PCNX1: variants seen among roughly 807,000 people sequenced by gnomAD.
The protein encoded by PCNX1 is pecanex-like protein 1.
In PCNX1, 78 loss-of-function variants were observed where a neutral mutation model predicts 242.2. The observed-to-expected ratio is 0.32, with a 90% CI of 0.27 to 0.39. The LOEUF (loss-of-function observed/expected upper bound fraction) is 0.39, where lower values mean the gene tolerates loss of function less well. Ranked by LOEUF, PCNX1 falls within the 10% of genes least tolerant of loss-of-function variation. The pLI is 1.00. For missense variants in PCNX1, 2,581 were observed against 2,856.5 expected (o/e 0.90, Z 2.20); for synonymous variants, 1,024 against 1,032.9 (o/e 0.99, Z 0.17).
At chr14:71,057,822 A>G (rs935833345) in intron 26 of PCNX1, 98 bp downstream of exon 26, 4 of 830,450 alleles carry the variant, frequency 4.8e-6, no homozygotes, top group South Asian at 3.3e-5. Context: ...ATAGAATTAG[A>G]TATTTGGGAT....
At chr14:71,100,144 C>T (rs1197121888) in intron 30 of PCNX1, among the ~76,000 whole-genome samples, 2 of 152,112 alleles carry the variant, frequency 1.3e-5, no homozygotes, top group Non-Finnish European at 2.9e-5. Flanking sequence ...TATCATGTAT[C>T]ATGAATGGTT....
intron 7 of PCNX1, among the ~76,000 whole-genome samples, chr14:70,993,426 C>G (rs950975119): frequency 6.6e-6 from 1 of 152,162 alleles, no homozygotes; most frequent in African/African-American, 2.4e-5. Flanking sequence ...CCGTGCCTGG[C>G]CAAATTGTCT....
chr14:71,015,829 CAG>C lies in PCNX1; in HGVS notation c.2996+2629_2996+2630del, dbSNP rs748063917. Among the ~76,000 whole-genome samples the C allele has an allele frequency of 1.9e-3, 293 of 152,094 alleles. 5 individuals carry two copies. Among genetic ancestry groups the C allele is most frequent in the Non-Finnish European group, 1.4e-3 (97 of 67,956 alleles). ...ACAAGATGATAGAGTCAGAAAAAGT[CAG>C]AAATTGGCAGATTAGATAAAAAAGA... On this transcript the variant is annotated intron_variant, in intron 11 of 35. Coordinates refer to ENST00000304743, the MANE Select transcript of PCNX1 (RefSeq NM_014982.3).
chr14:71,089,461 A>T, intron 30 of PCNX1, 119 bp downstream of exon 30: 1 of 746,594 alleles, frequency 1.3e-6, no homozygotes, highest in Non-Finnish European at 2.1e-6. Flanking sequence ...GGTAATTTAT[A>T]AAGGAAAGAG....
chr14:70,933,826 T>C (rs1180622172), intron 1 of PCNX1, among the ~76,000 whole-genome samples: 2 of 152,182 alleles, frequency 1.3e-5, no homozygotes, highest in Non-Finnish European at 2.9e-5. Flanking sequence ...TAGAAGTTAG[T>C]TGACATTAAG....
chr14:71,054,217 G>GT (rs2061119977), intron 24 of PCNX1, among the ~76,000 whole-genome samples: 1 of 152,216 alleles, frequency 6.6e-6, no homozygotes, highest in Non-Finnish European at 1.5e-5. Flanking sequence ...CTGTGAACTT[G>GT]TGGGACTATA....
Position 71,109,965 on chromosome 14 carries a change from T to TTCCC in PCNX1, c.*33_*36dup, listed in dbSNP as rs749866640. The TTCCC allele has an allele frequency of 6.2e-7, 1 of 1,604,950 alleles. No individual in the cohort carries two copies. Among genetic ancestry groups the TTCCC allele is most frequent in the Non-Finnish European group, 8.5e-7 (1 of 1,171,858 alleles). Reference sequence around the variant, plus strand: ...GTGTTTATTATAAAGACATTTCTTTTTCCCTCTCAATTCCAAGGCATTGGA... The same window carrying TTCCC: ...GTGTTTATTATAAAGACATTTCTTTTTCCCTCCCTCTCAATTCCAAGGCATTGGA... On this transcript the variant is annotated 3_prime_UTR_variant, in exon 36 of 36. Transcript: ENST00000304743.
At chr14:71,068,304 T>G (rs916407224) in intron 26 of PCNX1, among the ~76,000 whole-genome samples, 5 of 151,640 alleles carry the variant, frequency 3.3e-5, no homozygotes, top group African/African-American at 1.2e-4. Context: ...GCACTCCAGC[T>G]TGGGTGACAG....
At chr14:70,918,250 G>T (rs753249388) in intron 1 of PCNX1, among the ~76,000 whole-genome samples, 5 of 152,188 alleles carry the variant, frequency 3.3e-5, no homozygotes, top group Non-Finnish European at 5.9e-5. Context: ...TTTGGTGCAT[G>T]AGGATTAGCT....
chr14:71,060,387 A>G (rs1193551148), intron 26 of PCNX1, among the ~76,000 whole-genome samples: 1 of 152,214 alleles, frequency 6.6e-6, no homozygotes, highest in South Asian at 2.1e-4. Context: ...CTTAGAAAAA[A>G]AAGTTTACTT....
intron 12 of PCNX1, among the ~76,000 whole-genome samples, chr14:71,019,750 T>A (rs931775606): frequency 9.2e-5 from 14 of 152,124 alleles, no homozygotes; most frequent in Non-Finnish European, 1.8e-4. Context: ...TTTTTTTTTT[T>A]AATAGTAGTA....
intron 2 of PCNX1, among the ~76,000 whole-genome samples, chr14:70,958,112 G>A (rs2058061801): frequency 6.6e-6 from 1 of 152,154 alleles, no homozygotes; most frequent in Non-Finnish European, 1.5e-5. Flanking sequence ...GTTAACACCA[G>A]ACAGCTTATA....
intron 26 of PCNX1, among the ~76,000 whole-genome samples, chr14:71,069,066 G>A (rs566575494): frequency 1.7e-4 from 26 of 152,196 alleles, no homozygotes; most frequent in African/African-American, 3.4e-4. Context: ...AAGGTGAAAG[G>A]CATATCTTAC....
intron 2 of PCNX1, among the ~76,000 whole-genome samples, chr14:70,958,657 AC>A (rs1224980927): frequency 1.3e-5 from 2 of 152,162 alleles, no homozygotes; most frequent in African/African-American, 4.8e-5. Flanking sequence ...TTAAGTCTCA[AC>A]ATTAAGAGTA....
rs118061480 is a variant in PCNX1 at position 71,100,798 on chromosome 14, T to G, written c.5590-1192T>G. Among the ~76,000 whole-genome samples the G allele has an allele frequency of 9.0e-3, 1,365 of 152,270 alleles. 10 individuals are homozygous for G. Among genetic ancestry groups the G allele is most frequent in the Non-Finnish European group, 0.012 (843 of 68,004 alleles). ...GACTCTCTTCATTTCTTTTATTCTT[T>G]TTTCTTTATTTTGTCTGACTGAGTT... On this transcript the variant is annotated intron_variant, in intron 30 of 35. Coordinates refer to ENST00000304743, the MANE Select transcript of PCNX1 (RefSeq NM_014982.3).
rs565221059 is a variant in PCNX1 at position 71,072,281 on chromosome 14, A to G, written c.4853-1264A>G. 1.7e-4 allele frequency among the ~76,000 whole-genome samples: 26 copies of G among 152,368 alleles called. 1 individual carries two copies. In the South Asian group the frequency reaches 2.3e-3, roughly 13 times the overall value. On this transcript the variant is annotated intron_variant, in intron 26 of 35. Coordinates refer to ENST00000304743, the MANE Select transcript of PCNX1 (RefSeq NM_014982.3). ...GTACAATAAAACAAGGTATGCCTGT[A>G]TATTTTTAGGCAGTATCATATAAAA...
At chr14:70,954,734 CCTTATA>C (rs904533372) in intron 2 of PCNX1, among the ~76,000 whole-genome samples, 1 of 151,994 alleles carries the variant, frequency 6.6e-6, no homozygotes, top group African/African-American at 2.4e-5. Flanking sequence ...ACTTTCTAGT[CCTTATA>C]CTTCTTGTTT....
At chr14:70,942,306 T>C (rs971951981) in intron 1 of PCNX1, among the ~76,000 whole-genome samples, 1 of 152,212 alleles carries the variant, frequency 6.6e-6, no homozygotes, top group Non-Finnish European at 1.5e-5. Context: ...ATTTTAACAA[T>C]AATTAAAAAG....
Position 71,033,939 on chromosome 14 carries a change from T to A in PCNX1, c.3677T>A (p.Val1226Glu). The change falls in exon 18 of 36, where the codon GTG (valine) becomes GAG (glutamate). Residue 1226 changes from valine (V) to glutamate (E), a missense_variant. Val to Glu is a moderately radical substitution (Grantham distance 121, BLOSUM62 -2). Transcript: ENST00000304743. ...TTTTTCTTCACATAAAGCTCTTTAG[T>A]GCAATCCAAGATTTTTCCAAAAACG... ...SSDPSVLFSLVQSKIFPKTEE... is the reference protein window; with the variant it reads ...SSDPSVLFSLEQSKIFPKTEE... 1 of 1,581,888 alleles carries A rather than the reference T, an allele frequency of 6.3e-7. No individual in the cohort carries two copies.
Sources: gnomAD v4.1 joint callset for allele counts (sites outside exome capture counted in the v4.1 genomes callset) on GRCh38, gnomAD v4.1.1 for gene constraint, MANE v1.5 for transcripts, NCBI Gene and HGNC (gene_info 2026-07-23, HGNC 2026-07-21) for gene names.